The following CFAP96 variants were observed in gnomAD, a reference collection of about 807,000 sequenced individuals.
CFAP96 encodes cilia and flagella associated protein 96.
the CFAP96 span, among the ~76,000 whole-genome samples, chr4:185,422,303 G>A: frequency 6.6e-6 from 1 of 152,196 alleles, no homozygotes; most frequent in Non-Finnish European, 1.5e-5. Context: ...ACAGAGGTGC[G>A]CCATGGGCTG....
At chr4:185,415,848 T>C in the CFAP96 span, 3 of 1,613,484 alleles carry the variant, frequency 1.9e-6, no homozygotes, top group Non-Finnish European at 2.5e-6. Flanking sequence ...CAGCATAAGA[T>C]CTATATTTAC....
chr4:185,415,200 T>C, the CFAP96 span: 2 of 1,607,200 alleles, frequency 1.2e-6, no homozygotes, highest in South Asian at 2.2e-5. Context: ...CTGAAGGATA[T>C]GAAATTGTTA....
chr4:185,439,760 T>C, the CFAP96 span, among the ~76,000 whole-genome samples: 1 of 148,034 alleles, frequency 6.8e-6, no homozygotes, highest in Non-Finnish European at 1.5e-5. Flanking sequence ...ATCTCATATA[T>C]ACATATATGT....
At chr4:185,409,775 C>T in the CFAP96 span, among the ~76,000 whole-genome samples, 1 of 152,144 alleles carries the variant, frequency 6.6e-6, no homozygotes, top group South Asian at 2.1e-4. Flanking sequence ...TATCCTGGAT[C>T]CTAGTGTGCC....
At chr4:185,447,475 C>T in the CFAP96 span, among the ~76,000 whole-genome samples, 28 of 152,276 alleles carry the variant, frequency 1.8e-4, no homozygotes, top group Non-Finnish European at 2.5e-4. Context: ...CCACCACGCC[C>T]GGCCGATTTT....
the CFAP96 span, among the ~76,000 whole-genome samples, chr4:185,448,941 A>G: frequency 4.0e-5 from 6 of 151,098 alleles, no homozygotes; most frequent in Admixed American, 1.3e-4. Flanking sequence ...CCGTTTAGTA[A>G]TTTTGAATTT....
the CFAP96 span, among the ~76,000 whole-genome samples, chr4:185,429,738 T>G: frequency 6.6e-6 from 1 of 152,174 alleles, no homozygotes; most frequent in Non-Finnish European, 1.5e-5. Context: ...GGCCTGATTA[T>G]AGCTCACTGC....
At chr4:185,445,393 C>G in the CFAP96 span, 2 of 842,358 alleles carry the variant, frequency 2.4e-6, no homozygotes, top group Non-Finnish European at 1.9e-6. Flanking sequence ...AAATATATAG[C>G]GCCTCATTAT....
chr4:185,409,093 G>A, the CFAP96 span, among the ~76,000 whole-genome samples: 2 of 152,004 alleles, frequency 1.3e-5, no homozygotes, highest in Non-Finnish European at 2.9e-5. Flanking sequence ...CTGGCACACG[G>A]TTAATATAAA....
chr4:185,427,407 C>T, the CFAP96 span, among the ~76,000 whole-genome samples: 1 of 152,198 alleles, frequency 6.6e-6, no homozygotes, highest in African/African-American at 2.4e-5. Context: ...ATGATTCATG[C>T]TCAGGTGAGC....
the CFAP96 span, among the ~76,000 whole-genome samples, chr4:185,411,114 C>A: frequency 1.4e-5 from 2 of 142,728 alleles, no homozygotes; most frequent in Non-Finnish European, 1.5e-5. Flanking sequence ...CCAACAAAGC[C>A]AAAAGTTTTT....
At chr4:185,425,124 T>C in the CFAP96 span, among the ~76,000 whole-genome samples, 8 of 152,170 alleles carry the variant, frequency 5.3e-5, no homozygotes, top group Non-Finnish European at 1.2e-4. Context: ...GTAGCATCTA[T>C]AGGACTTGAT....
the CFAP96 span, among the ~76,000 whole-genome samples, chr4:185,420,953 T>C: frequency 6.6e-6 from 1 of 152,254 alleles, no homozygotes; most frequent in African/African-American, 2.4e-5. Context: ...AATAAGATTA[T>C]AGTAAAGTAT....
chr4:185,418,229 AT>A, the CFAP96 span, among the ~76,000 whole-genome samples: 1 of 152,256 alleles, frequency 6.6e-6, no homozygotes, highest in Admixed American at 6.5e-5. Context: ...AGAAAGCATT[AT>A]AAAAAAACCC....
At chr4:185,420,889 G>C in the CFAP96 span, among the ~76,000 whole-genome samples, 3 of 152,094 alleles carry the variant, frequency 2.0e-5, no homozygotes, top group Non-Finnish European at 2.9e-5. Flanking sequence ...TGTAGTCCTT[G>C]TTTACATTTG....
At chr4:185,426,043 A>C in the CFAP96 span, 1 of 688,154 alleles carries the variant, frequency 1.5e-6, no homozygotes. Flanking sequence ...TCCCTCGCGG[A>C]CGGCGAGGCG....
At chr4:185,417,872 C>A in the CFAP96 span, among the ~76,000 whole-genome samples, 8 of 152,076 alleles carry the variant, frequency 5.3e-5, no homozygotes, top group African/African-American at 9.7e-5. Flanking sequence ...GGTAAAATCC[C>A]ATCTCTACTA....
the CFAP96 span, chr4:185,408,574 A>T: frequency 1.1e-6 from 1 of 874,634 alleles, no homozygotes; most frequent in Non-Finnish European, 1.7e-6. Flanking sequence ...TCACAGATCT[A>T]TGGTTTAACA....
At chr4:185,445,850 T>A in the CFAP96 span, among the ~76,000 whole-genome samples, 1 of 152,202 alleles carries the variant, frequency 6.6e-6, no homozygotes, top group Non-Finnish European at 1.5e-5. Flanking sequence ...ATTTCTTTTT[T>A]ATTTTTTTGA....
Sources: allele counts gnomAD v4.1 joint callset (sites outside exome capture counted in the v4.1 genomes callset), GRCh38; gene constraint gnomAD v4.1.1; transcripts MANE v1.5; gene names NCBI Gene and HGNC (gene_info 2026-07-23, HGNC 2026-07-21).